Variants in FRMPD3 observed in about 807,000 individuals in gnomAD.
FRMPD3 encodes the protein FERM and PDZ domain containing 3, also known as FERM and PDZ domain-containing protein 3.
A neutral mutation model predicts 97.9 loss-of-function variants in FRMPD3; 42 were observed. That is an observed-to-expected ratio of 0.43 (90% CI 0.34 to 0.55). FRMPD3 has a LOEUF of 0.55. Among genes scored for constraint, FRMPD3 ranks in the 20% least tolerant of loss-of-function variants. The pLI, the probability that FRMPD3 is intolerant of heterozygous loss-of-function variation, is 0.03. For missense variants in FRMPD3, 1,303 were observed against 1,457.7 expected, an observed-to-expected ratio of 0.89 and a Z score of 1.73; for synonymous variants, 577 against 581.1, an observed-to-expected ratio of 0.99 and a Z score of 0.10.
At chrX:107,498,171 C>T (rs1209996006) in intron 1 of FRMPD3, among the ~76,000 whole-genome samples, 2 of 112,734 alleles carry the variant, frequency 1.8e-5, no homozygotes, top group East Asian at 5.5e-4. Flanking sequence ...AAAAGATGCA[C>T]TTTCCTGTTA....
rs1180557318 is a variant in FRMPD3, at chrX:107,600,907, C to T, written c.2868C>T (p.Ile956=). Residue 956 remains isoleucine, a synonymous_variant, in exon 15 of 15, where the codon ATC becomes ATT. Coordinates refer to ENST00000683843, the MANE Select transcript of FRMPD3 (RefSeq NM_001388459.1). ...DPKSSVTPAI[I]SAALQQVVHN... is the part of the protein sequence containing the mutation. Reference sequence around the variant, plus strand: ...AGAGCAGTGTGACCCCTGCCATCATCTCGGCCGCCCTACAGCAAGTGGTTC... The same window carrying T: ...AGAGCAGTGTGACCCCTGCCATCATTTCGGCCGCCCTACAGCAAGTGGTTC... 4.1e-5 allele frequency: 49 copies of T among 1,207,587 alleles called. No individual in the cohort carries two copies. Among genetic ancestry groups the T allele is most frequent in the Non-Finnish European group, 5.1e-5 (46 of 894,455 alleles).
intron 1 of FRMPD3, among the ~76,000 whole-genome samples, chrX:107,460,905 G>A (rs770086853): frequency 5.4e-5 from 6 of 110,979 alleles, no homozygotes; most frequent in Admixed American, 2.9e-4. Flanking sequence ...TATTCATCTC[G>A]TCACCTACAG....
intron 1 of FRMPD3, among the ~76,000 whole-genome samples, chrX:107,461,303 C>T (rs1440826271): frequency 2.7e-5 from 3 of 111,598 alleles, no homozygotes; most frequent in African/African-American, 6.5e-5. Flanking sequence ...TTACCCTCCA[C>T]GCTGAAAGCT....
At chrX:107,537,021 T>C (rs1923269229) in intron 4 of FRMPD3, among the ~76,000 whole-genome samples, 1 of 111,401 alleles carries the variant, frequency 9.0e-6, no homozygotes, top group African/African-American at 3.3e-5. Context: ...CCCCAATCTC[T>C]ATCTCGACTT....
At chrX:107,524,972 C>A (rs12834835) in intron 1 of FRMPD3, among the ~76,000 whole-genome samples, 1 of 75,470 alleles carries the variant, frequency 1.3e-5, no homozygotes, top group East Asian at 4.5e-4. Flanking sequence ...CTCCAGCTGG[C>A]GTAACAGAGG....
At position 107,449,665 on chromosome X, in the gene FRMPD3, G is replaced by A. The variant is rs1315462642; in HGVS notation, c.-348G>A. 9.3e-6 allele frequency among the ~76,000 whole-genome samples: 1 copy of A among 107,303 alleles called. No homozygotes were observed. The highest frequency in any genetic ancestry group is 3.4e-5 in the African/African-American group (1 of 29,548). 93.2% of individuals were successfully genotyped at this position (107,303 alleles called of 115,157 possible). A position where few individuals can be genotyped will look rare whatever the true frequency, so the allele number is the denominator to read the frequency against. ...GCAGCCTGCCGCACTCCTGGAGCGA[G>A]AGAGCGACGAGCGAGCCACGGCGAT... On this transcript the variant is annotated 5_prime_UTR_variant, in exon 1 of 15. Transcript: ENST00000683843.
chrX:107,578,523 C>T (rs947679336), intron 13 of FRMPD3, among the ~76,000 whole-genome samples: 2 of 111,814 alleles, frequency 1.8e-5, no homozygotes, highest in Non-Finnish European at 3.8e-5. Context: ...GATCCGCCTT[C>T]GGCCTGCAGA....
intron 5 of FRMPD3, among the ~76,000 whole-genome samples, chrX:107,549,637 A>G (rs1857431324): frequency 9.0e-6 from 1 of 111,614 alleles, no homozygotes; most frequent in African/African-American, 3.3e-5. Context: ...AGGGAAAGGG[A>G]GGTATCAGGA....
chrX:107,449,688 G>A lies in FRMPD3; in HGVS notation c.-325G>A, dbSNP rs1931236987. 9.2e-6 allele frequency among the ~76,000 whole-genome samples: 1 copy of A among 108,787 alleles called. No homozygotes were observed. Among genetic ancestry groups the A allele is most frequent in the African/African-American group, 3.3e-5 (1 of 30,012 alleles). 94.5% of individuals were successfully genotyped at this position (108,787 alleles called of 115,157 possible). ...GAGAGAGCGACGAGCGAGCCACGGCGATGGTGCCGCCCGCGGCGCAGCCAT... is the reference window on the plus strand; with the variant it reads ...GAGAGAGCGACGAGCGAGCCACGGCAATGGTGCCGCCCGCGGCGCAGCCAT... On this transcript the variant is annotated 5_prime_UTR_variant, in exon 1 of 15. Coordinates refer to ENST00000683843, the MANE Select transcript of FRMPD3 (RefSeq NM_001388459.1).
intron 1 of FRMPD3, among the ~76,000 whole-genome samples, chrX:107,512,059 G>A (rs113179421): frequency 0.012 from 1,276 of 105,199 alleles, 7 homozygotes; most frequent in Non-Finnish European, 0.019. Flanking sequence ...ACACACACGC[G>A]CACACACACA....
rs561930907 is a variant in FRMPD3 at position 107,534,369 on chromosome X, C to T, written c.297+819C>T. On this transcript the variant is annotated intron_variant, in intron 4 of 14. Coordinates refer to ENST00000683843, the MANE Select transcript of FRMPD3 (RefSeq NM_001388459.1). The stretch of plus-strand genomic sequence containing the variant: ...TATTAATGTCCCCAACAACAGTCCT[C>T]TGCACCCCAGCATGGATGCCATACC... 3.6e-5 allele frequency among the ~76,000 whole-genome samples: 4 copies of T among 111,115 alleles called. No homozygotes were observed. The East Asian group carries it at 1.1e-3, about 31-fold the overall frequency.
In FRMPD3 at chrX:107,543,200, C is replaced by T. The variant is rs1382386024; in HGVS notation, c.298-2537C>T. ...ACCAGAGGCTTCCTTTTAAAATGCA[C>T]ATCAGACTCTGTTCAATCAAATCCC... On this transcript the variant is annotated intron_variant, in intron 4 of 14. Transcript: ENST00000683843. Among the ~76,000 whole-genome samples, 3 of 111,317 alleles carry T rather than the reference C, an allele frequency of 2.7e-5. No homozygotes were observed. The East Asian group carries it at 8.5e-4, about 32-fold the overall frequency.
rs188868441 is a variant in FRMPD3, at chrX:107,449,774, G to A, written c.-239G>A. On this transcript the variant is annotated 5_prime_UTR_variant, in exon 1 of 15. Coordinates refer to ENST00000683843, the MANE Select transcript of FRMPD3 (RefSeq NM_001388459.1). Reference sequence around the variant, plus strand: ...ATCCTGCCCGCAGCCCGCCGCCTGCGCGCCAGCTCCCCGCGTCCCGGGCCA... The same window carrying A: ...ATCCTGCCCGCAGCCCGCCGCCTGCACGCCAGCTCCCCGCGTCCCGGGCCA... 3.5e-3 allele frequency among the ~76,000 whole-genome samples: 381 copies of A among 108,414 alleles called. 1 individual carries two copies. Among genetic ancestry groups the A allele is most frequent in the Middle Eastern group, 0.014 (3 of 212 alleles). 94.1% of individuals were successfully genotyped at this position (108,414 alleles called of 115,157 possible). A position where few individuals can be genotyped will look rare whatever the true frequency, so the allele number is the denominator to read the frequency against.
intron 3 of FRMPD3, among the ~76,000 whole-genome samples, chrX:107,531,868 G>A (rs961157444): frequency 2.7e-5 from 3 of 111,553 alleles, no homozygotes; most frequent in African/African-American, 6.5e-5. Context: ...TGCTGATTTC[G>A]TGAGGGGTTC....
chrX:107,561,606 A>G (rs1270035751), intron 10 of FRMPD3, among the ~76,000 whole-genome samples: 1 of 111,706 alleles, frequency 9.0e-6, no homozygotes, highest in Non-Finnish European at 1.9e-5. Context: ...TGTAAGATTC[A>G]ATCTGCCTGT....
chrX:107,553,869 C>T (rs750236758), intron 7 of FRMPD3, among the ~76,000 whole-genome samples: 15 of 112,165 alleles, frequency 1.3e-4, no homozygotes, highest in Non-Finnish European at 2.6e-4. Flanking sequence ...CACACATACA[C>T]ACAAGTAGGA....
At chrX:107,566,797 C>A (rs1770482423) in intron 12 of FRMPD3, among the ~76,000 whole-genome samples, 1 of 112,547 alleles carries the variant, frequency 8.9e-6, no homozygotes, top group Non-Finnish European at 1.9e-5. Context: ...AATGCACAGG[C>A]TTGAGACCTG....
chrX:107,467,653 C>T (rs1400927393), intron 1 of FRMPD3, among the ~76,000 whole-genome samples: 1 of 110,897 alleles, frequency 9.0e-6, no homozygotes, highest in African/African-American at 3.3e-5. Flanking sequence ...GGTTTTTCCC[C>T]CTCTCTCACT....
intron 1 of FRMPD3, among the ~76,000 whole-genome samples, chrX:107,516,820 G>A (rs896078390): frequency 5.4e-5 from 6 of 110,236 alleles, no homozygotes; most frequent in African/African-American, 2.0e-4. Context: ...CTCCCATTCT[G>A]TAGGTTACCT....
Sources: gnomAD v4.1 joint callset for allele counts (sites outside exome capture counted in the v4.1 genomes callset) on GRCh38, gnomAD v4.1.1 for gene constraint, MANE v1.5 for transcripts, NCBI Gene and HGNC (gene_info 2026-07-23, HGNC 2026-07-21) for gene names.